DAB2IP: variants seen among roughly 807,000 people sequenced by gnomAD.
The protein encoded by DAB2IP is disabled homolog 2-interacting protein.
A neutral mutation model predicts 107.2 loss-of-function variants in DAB2IP; 28 were observed. The ratio of observed to expected loss-of-function variants is 0.26; its 90% CI spans 0.19 to 0.36. The LOEUF is 0.36. Among genes scored for constraint, DAB2IP ranks in the 10% least tolerant of loss-of-function variants. DAB2IP has a pLI of 1.00. For synonymous variants in DAB2IP, 755 were observed against 706.4 expected (o/e 1.07, Z -1.09); for missense variants, 1,400 against 1,644.7 (o/e 0.85, Z 2.57).
At chr9:121,767,347 C>T (rs1052935025) in intron 9 of DAB2IP, among the ~76,000 whole-genome samples, 2 of 152,214 alleles carry the variant, frequency 1.3e-5, no homozygotes, top group African/African-American at 2.4e-5. Context: ...GTCCTGGTGG[C>T]GCTCAGCACT....
rs1052577330 is a variant in DAB2IP at position 121,736,526 on chromosome 9, G to A, written c.363-20487G>A. On this transcript the variant is annotated intron_variant, in intron 3 of 15. Transcript: ENST00000408936. The surrounding 1 kb of genome is among the most constrained non-coding windows in gnomAD (Gnocchi z 4.6). ...CCCGCTGCCGGGCCTGGGAAGGGCTGGGCCTACTGCTGTGGGGTGGGGGGC... is the reference window on the plus strand; with the variant it reads ...CCCGCTGCCGGGCCTGGGAAGGGCTAGGCCTACTGCTGTGGGGTGGGGGGC... 2.6e-4 allele frequency among the ~76,000 whole-genome samples: 36 copies of A among 140,984 alleles called. No individual in the cohort carries two copies. The highest frequency in any genetic ancestry group is 2.4e-3 in the Admixed American group (34 of 14,342). 92.5% of individuals were successfully genotyped at this position (140,984 alleles called of 152,430 possible).
intron 3 of DAB2IP, among the ~76,000 whole-genome samples, chr9:121,716,426 C>A (rs1174225087): frequency 1.3e-5 from 2 of 152,218 alleles, no homozygotes; most frequent in African/African-American, 4.8e-5. Flanking sequence ...TGGCTGTGCC[C>A]TGTCCCTTGC....
At chr9:121,676,146 C>G (rs1051650835) in intron 1 of DAB2IP, among the ~76,000 whole-genome samples, 1 of 152,220 alleles carries the variant, frequency 6.6e-6, no homozygotes, top group Non-Finnish European at 1.5e-5. Flanking sequence ...TGGAGGTCAG[C>G]GGGCCTGAAC....
chr9:121,779,565 TTTAAG>T (rs1835444910), intron 14 of DAB2IP, among the ~76,000 whole-genome samples: 1 of 152,160 alleles, frequency 6.6e-6, no homozygotes, highest in African/African-American at 2.4e-5. Flanking sequence ...AGGGTTTCCT[TTTAAG>T]TTTTGTTAGG....
At chr9:121,667,893 G>C (rs911284078) in intron 1 of DAB2IP, among the ~76,000 whole-genome samples, 1 of 152,196 alleles carries the variant, frequency 6.6e-6, no homozygotes, top group Non-Finnish European at 1.5e-5. Flanking sequence ...GGTGTAATTG[G>C]ATTTACGGTT....
intron 1 of DAB2IP, among the ~76,000 whole-genome samples, chr9:121,659,136 G>A (rs577001323): frequency 6.6e-6 from 1 of 152,344 alleles, no homozygotes. Context: ...CCTGGCTGAT[G>A]AGGGAGAGAG....
Position 121,742,903 on chromosome 9 carries a change from G to C in DAB2IP, c.363-14110G>C, listed in dbSNP as rs1278501383. On this transcript the variant is annotated intron_variant, in intron 3 of 15. Transcript: ENST00000408936. ...CTGAGGCTCAAACTGAAAGCCTGGT[G>C]GTGGGGCACCTGTGACAGGTGAGAC... 4 of 985,350 alleles carry C rather than the reference G, an allele frequency of 4.1e-6. No homozygotes were observed. The African/African-American group carries it at 5.2e-5, about 13-fold the overall frequency. 61.0% of individuals were successfully genotyped at this position (985,350 alleles called of 1,614,324 possible).
chr9:121,677,246 T>C (rs1351559608), intron 1 of DAB2IP, among the ~76,000 whole-genome samples: 1 of 152,168 alleles, frequency 6.6e-6, no homozygotes, highest in African/African-American at 2.4e-5. Context: ...GGGGCTGACA[T>C]AGTGGCTGAG....
intron 1 of DAB2IP, among the ~76,000 whole-genome samples, chr9:121,639,928 C>T (rs1281939940): frequency 6.6e-6 from 1 of 152,206 alleles, no homozygotes; most frequent in Non-Finnish European, 1.5e-5. Context: ...CTAACTTAGA[C>T]TCTGCCCGGT....
rs768456583 is a variant in DAB2IP, at chr9:121,776,418, CCACAGG to C, written c.3314+36_3314+41del. The stretch of plus-strand genomic sequence containing the variant: ...TGGGGCCCACACCTGCCTGGCCTGG[CCACAGG>C]CACAGGCAGGGCAGCCATCGCTGCC... On this transcript the variant is annotated intron_variant, in intron 14 of 15. Transcript: ENST00000408936. This position sits in a 1 kb window ranked among gnomAD's most constrained non-coding sequence, Gnocchi z 5.4. 4.0e-6 allele frequency: 6 copies of C among 1,496,382 alleles called. No individual in the cohort carries two copies. Among genetic ancestry groups the C allele is most frequent in the African/African-American group, 2.8e-5 (2 of 70,834 alleles). 92.7% of individuals were successfully genotyped at this position (1,496,382 alleles called of 1,614,324 possible). A position where few individuals can be genotyped will look rare whatever the true frequency, so the allele number is the denominator to read the frequency against.
At chr9:121,696,397 G>A (rs1171456156) in intron 2 of DAB2IP, among the ~76,000 whole-genome samples, 1 of 152,210 alleles carries the variant, frequency 6.6e-6, no homozygotes, top group East Asian at 1.9e-4. Flanking sequence ...TCAATTAAAG[G>A]TTGTCTTGGG....
intron 14 of DAB2IP, among the ~76,000 whole-genome samples, chr9:121,780,617 G>A (rs1030472664): frequency 1.4e-4 from 21 of 152,202 alleles, no homozygotes; most frequent in African/African-American, 5.1e-4. Flanking sequence ...ATGTCCAGAG[G>A]CAGACAGGAC....
At chr9:121,715,646 C>T (rs1329484807) in intron 3 of DAB2IP, among the ~76,000 whole-genome samples, 3 of 152,146 alleles carry the variant, frequency 2.0e-5, no homozygotes, top group Non-Finnish European at 4.4e-5. Flanking sequence ...AGCCACTGCA[C>T]CCGGCCATGA....
At chr9:121,689,764 C>G (rs367769922) in intron 2 of DAB2IP, among the ~76,000 whole-genome samples, 4 of 152,226 alleles carry the variant, frequency 2.6e-5, no homozygotes, top group African/African-American at 9.6e-5. Flanking sequence ...ACTCCCCCCC[C>G]ATGTGTTGTC....
At chr9:121,616,941 G>A (rs967959286) in intron 1 of DAB2IP, among the ~76,000 whole-genome samples, 14 of 152,224 alleles carry the variant, frequency 9.2e-5, no homozygotes, top group African/African-American at 3.4e-4. Context: ...GCTGGCCAGG[G>A]CACCTGGCTT....
intron 1 of DAB2IP, among the ~76,000 whole-genome samples, chr9:121,611,065 T>A (rs1831075995): frequency 1.3e-5 from 2 of 152,132 alleles, no homozygotes. Flanking sequence ...AACCTCTGCT[T>A]CCTGGGTTCA....
intron 3 of DAB2IP, among the ~76,000 whole-genome samples, chr9:121,727,594 G>GA (rs886155093): frequency 1.3e-5 from 2 of 152,214 alleles, no homozygotes; most frequent in African/African-American, 4.8e-5. Flanking sequence ...GGCGGAGCAA[G>GA]AAAGAGACTG....
At chr9:121,623,100 T>G (rs1222134331) in intron 1 of DAB2IP, among the ~76,000 whole-genome samples, 1 of 152,098 alleles carries the variant, frequency 6.6e-6, no homozygotes, top group East Asian at 1.9e-4. Flanking sequence ...GCAATTTTGC[T>G]CTCTTTCTCA....
chr9:121,755,772 C>T (rs1027146345), intron 3 of DAB2IP, among the ~76,000 whole-genome samples: 3 of 152,122 alleles, frequency 2.0e-5, no homozygotes, highest in South Asian at 2.1e-4. Flanking sequence ...CCGGGGCAGT[C>T]GCAGAAATGA....
Sources: gnomAD v4.1 joint callset for allele counts (sites outside exome capture counted in the v4.1 genomes callset) on GRCh38, gnomAD v4.1.1 for gene constraint, Gnocchi (gnomAD v3.1) non-coding constraint, MANE v1.5 for transcripts, NCBI Gene and HGNC (gene_info 2026-07-23, HGNC 2026-07-21) for gene names.